Variants in FOXN2 observed in about 807,000 individuals in gnomAD.
FOXN2 encodes the protein forkhead box protein N2.
In FOXN2, 19 loss-of-function variants were observed where a neutral mutation model predicts 41.2. That is an observed-to-expected ratio of 0.46 (90% CI 0.32 to 0.68). The LOEUF is 0.68. Ranked by LOEUF, FOXN2 falls within the 30% of genes least tolerant of loss-of-function variation. The pLI, the probability that FOXN2 is intolerant of heterozygous loss-of-function variation, is 0.03. For synonymous variants in FOXN2, 195 were observed against 176.8 expected, an observed-to-expected ratio of 1.10 and a Z score of -0.82; for missense variants, 587 against 509.4, an observed-to-expected ratio of 1.15 and a Z score of -1.47.
intron 3 of FOXN2, among the ~76,000 whole-genome samples, chr2:48,358,220 T>A (rs886273356): frequency 1.3e-5 from 2 of 151,652 alleles, no homozygotes; most frequent in Non-Finnish European, 2.9e-5. Context: ...AGTAAAGGAG[T>A]AGGAACATAC....
chr2:48,370,229 G>A (rs1672800882), intron 5 of FOXN2, among the ~76,000 whole-genome samples: 1 of 152,114 alleles, frequency 6.6e-6, no homozygotes, highest in Admixed American at 6.6e-5. Flanking sequence ...CTCACACAGA[G>A]ACACAATATG....
chr2:48,320,584 C>T (rs1572691366), intron 1 of FOXN2, among the ~76,000 whole-genome samples: 1 of 152,134 alleles, frequency 6.6e-6, no homozygotes, highest in Admixed American at 6.5e-5. Context: ...GCCACTGCAC[C>T]TGGCCATAAT....
At chr2:48,362,970 G>A (rs1056715960) in intron 5 of FOXN2, among the ~76,000 whole-genome samples, 14 of 152,108 alleles carry the variant, frequency 9.2e-5, no homozygotes, top group Admixed American at 5.9e-4. Flanking sequence ...ACTTGATAAT[G>A]GTAATAAACT....
chr2:48,362,888 G>A (rs1389952234), intron 5 of FOXN2, among the ~76,000 whole-genome samples, 181 bp downstream of exon 5: 1 of 152,170 alleles, frequency 6.6e-6, no homozygotes, highest in Non-Finnish European at 1.5e-5. Context: ...TTGTGGTGAT[G>A]CTGGTGCAAG....
intron 1 of FOXN2, among the ~76,000 whole-genome samples, chr2:48,321,765 C>A (rs1669337153): frequency 6.6e-6 from 1 of 151,498 alleles, no homozygotes; most frequent in East Asian, 1.9e-4. Flanking sequence ...GTACATTATA[C>A]ATGGTAAGGG....
intron 4 of FOXN2, 79 bp from the exon 5 acceptor site, chr2:48,362,564 G>C: frequency 1.6e-6 from 2 of 1,277,560 alleles, no homozygotes; most frequent in Non-Finnish European, 2.3e-6. Context: ...CAGAGTGAGA[G>C]AGAACCTGTC....
chr2:48,362,551 C>T, intron 4 of FOXN2, 92 bp from the exon 5 acceptor site: 1 of 1,099,244 alleles, frequency 9.1e-7, no homozygotes, highest in Non-Finnish European at 1.4e-6. Context: ...CCTGGGCGGC[C>T]AGCAGAGTGA....
At chr2:48,365,946 C>T (rs1180548898) in intron 5 of FOXN2, among the ~76,000 whole-genome samples, 2 of 152,050 alleles carry the variant, frequency 1.3e-5, no homozygotes, top group African/African-American at 4.8e-5. Flanking sequence ...TAAAAAACAC[C>T]AAGTGGATTA....
At chr2:48,350,912 G>C (rs1671405643) in intron 3 of FOXN2, among the ~76,000 whole-genome samples, 1 of 152,136 alleles carries the variant, frequency 6.6e-6, no homozygotes, top group Non-Finnish European at 1.5e-5. Flanking sequence ...TCTGCCAAAA[G>C]TAAGAGTTCA....
chr2:48,336,027 CAAAAA>C (rs199617210), intron 2 of FOXN2, among the ~76,000 whole-genome samples: 1 of 91,270 alleles, frequency 1.1e-5, no homozygotes, highest in African/African-American at 3.7e-5. Context: ...GACTCTGTCT[CAAAAA>C]AAAAAAAAAT....
At chr2:48,324,072 T>C (rs1034899098) in intron 1 of FOXN2, among the ~76,000 whole-genome samples, 11 of 152,198 alleles carry the variant, frequency 7.2e-5, no homozygotes, top group African/African-American at 2.4e-4. Context: ...ACTATTGTCA[T>C]ATGTCATCAA....
At chr2:48,327,537 C>T (rs1669754998) in intron 1 of FOXN2, among the ~76,000 whole-genome samples, 2 of 152,124 alleles carry the variant, frequency 1.3e-5, no homozygotes, top group South Asian at 4.1e-4. Flanking sequence ...ACTCTCCCTC[C>T]TGGGTTCAAG....
intron 1 of FOXN2, among the ~76,000 whole-genome samples, chr2:48,319,933 A>G (rs1275649888): frequency 6.6e-6 from 1 of 151,382 alleles, no homozygotes; most frequent in African/African-American, 2.4e-5. Flanking sequence ...CACCTGGCCA[A>G]TCTTTAAATT....
intron 2 of FOXN2, among the ~76,000 whole-genome samples, chr2:48,334,503 G>A (rs1254411459): frequency 1.3e-5 from 2 of 152,228 alleles, no homozygotes; most frequent in South Asian, 2.1e-4. Context: ...GCAGCATGGT[G>A]AACCACGTAC....
At chr2:48,324,541 CTTCTT>C (rs1297266154) in intron 1 of FOXN2, among the ~76,000 whole-genome samples, 1 of 152,024 alleles carries the variant, frequency 6.6e-6, no homozygotes, top group African/African-American at 2.4e-5. Flanking sequence ...ATTAAAATGA[CTTCTT>C]TGTTTAGTTA....
intron 2 of FOXN2, among the ~76,000 whole-genome samples, chr2:48,341,015 C>T (rs940187292): frequency 1.3e-5 from 2 of 152,116 alleles, no homozygotes; most frequent in Admixed American, 6.5e-5. Context: ...TTGGATTAAG[C>T]TAGTTATACT....
In FOXN2 at chr2:48,377,371, T is replaced by A. The variant is rs886705263; in HGVS notation, c.*1928T>A. ...CATCATCTTAATAACTATTTTTAAG[T>A]TATTTACCATAGCCTCTGTATAGAC... is the stretch of plus-strand genomic sequence containing the variant. On this transcript the variant is annotated 3_prime_UTR_variant, in exon 7 of 7. Transcript: ENST00000340553. 8 of 152,032 alleles carry A rather than the reference T, an allele frequency of 5.3e-5. No individual in the cohort carries two copies. Among genetic ancestry groups the A allele is most frequent in the African/African-American group, 1.9e-4 (8 of 41,446 alleles). 9.4% of individuals were successfully genotyped at this position (152,032 alleles called of 1,614,324 possible).
chr2:48,375,468 C>G lies in FOXN2; in HGVS notation c.*25C>G, dbSNP rs200646671. The G allele has an allele frequency of 5.7e-6, 9 of 1,567,446 alleles. No homozygotes were observed. The highest frequency in any genetic ancestry group is 1.4e-5 in the African/African-American group (1 of 73,448). The stretch of plus-strand genomic sequence containing the variant: ...GAAATACTTAAAGTGTGGCAATACT[C>G]TTTCACTTAATTCTTTACAAGGGAT... On this transcript the variant is annotated 3_prime_UTR_variant, in exon 7 of 7. Coordinates refer to ENST00000340553, the MANE Select transcript of FOXN2 (RefSeq NM_002158.4).
chr2:48,331,597 C>T (rs1670022693), intron 2 of FOXN2, among the ~76,000 whole-genome samples: 1 of 152,082 alleles, frequency 6.6e-6, no homozygotes, highest in African/African-American at 2.4e-5. Context: ...GCAAGAGGAT[C>T]ACTTGAGCCC....
Sources: allele counts gnomAD v4.1 joint callset (sites outside exome capture counted in the v4.1 genomes callset), GRCh38; gene constraint gnomAD v4.1.1; transcripts MANE v1.5; gene names NCBI Gene and HGNC (gene_info 2026-07-23, HGNC 2026-07-21).